Variants in SYNE2 observed in about 807,000 individuals in gnomAD.
The protein encoded by SYNE2 is spectrin repeat containing nuclear envelope protein 2.
In SYNE2, 431 loss-of-function variants were observed where a neutral mutation model predicts 856.3. The ratio of observed to expected loss-of-function variants is 0.50; its 90% CI spans 0.47 to 0.55. The LOEUF is 0.55. SYNE2 is among the 20% of genes least tolerant of loss of function. The pLI, the probability that SYNE2 is intolerant of heterozygous loss-of-function variation, is 0.00. For missense variants in SYNE2, 8,129 were observed against 8,023.2 expected, an observed-to-expected ratio of 1.01 and a Z score of -0.50; for synonymous variants, 2,923 against 2,872.3, an observed-to-expected ratio of 1.02 and a Z score of -0.56.
At chr14:64,144,269 G>A (rs2098163801) in intron 83 of SYNE2, among the ~76,000 whole-genome samples, 1 of 152,156 alleles carries the variant, frequency 6.6e-6, no homozygotes, top group Non-Finnish European at 1.5e-5. Flanking sequence ...GAAAGCAGAT[G>A]TTCAAAAGGG....
rs1161445645 is a variant in SYNE2, at chr14:64,225,955, T to TAGCTGATGGAA, written c.*431_*441dup. 1 of 337,148 alleles carries TAGCTGATGGAA rather than the reference T, an allele frequency of 3.0e-6. No individual in the cohort carries two copies. Among genetic ancestry groups the TAGCTGATGGAA allele is most frequent in the African/African-American group, 2.1e-5 (1 of 48,578 alleles). 20.9% of individuals were successfully genotyped at this position (337,148 alleles called of 1,614,324 possible). ...TGGTTCAGAAACTCATAGGCACCCT[T>TAGCTGATGGAA]AGCTGATGGAAACAATCAATCATAT... On this transcript the variant is annotated 3_prime_UTR_variant, in exon 116 of 116. Transcript: ENST00000555002.
intron 1 of SYNE2, among the ~76,000 whole-genome samples, chr14:63,804,548 C>T (rs1298113079): frequency 6.6e-6 from 1 of 152,048 alleles, no homozygotes; most frequent in African/African-American, 2.4e-5. Context: ...GGCTGGAGTG[C>T]AATGGCGCGA....
intron 49 of SYNE2, among the ~76,000 whole-genome samples, chr14:64,059,443 G>A (rs2097299004): frequency 6.6e-6 from 1 of 152,200 alleles, no homozygotes; most frequent in Non-Finnish European, 1.5e-5. Context: ...CCACCTTGGT[G>A]GTCTTGTATA....
At chr14:63,870,129 C>G (rs1896498888) in intron 1 of SYNE2, among the ~76,000 whole-genome samples, 1 of 152,028 alleles carries the variant, frequency 6.6e-6, no homozygotes, top group Non-Finnish European at 1.5e-5. Context: ...GTGTGAAAAA[C>G]CCTCCAAAAT....
At chr14:64,037,842 G>A (rs1205268408) in intron 45 of SYNE2, among the ~76,000 whole-genome samples, 13 of 150,050 alleles carry the variant, frequency 8.7e-5, no homozygotes, top group African/African-American at 1.2e-4. Context: ...TGGGCGGGGG[G>A]CTGACACCCC....
At chr14:64,085,022 C>T in intron 57 of SYNE2, 1 of 702,272 alleles carries the variant, frequency 1.4e-6, no homozygotes, top group South Asian at 1.5e-5. Flanking sequence ...CTTCCCTCAG[C>T]ATAAACAATC....
chr14:64,157,461 A>G (rs184202755), intron 85 of SYNE2, among the ~76,000 whole-genome samples: 3 of 152,342 alleles, frequency 2.0e-5, no homozygotes, highest in East Asian at 1.9e-4. Context: ...GTATGGATAT[A>G]CCATATTTAG....
Position 64,126,360 on chromosome 14 carries a change from G to A in SYNE2, c.13588G>A (p.Asp4530Asn). ...NMTEEAYINL[D>N]KKLFELFLTL... The stretch of plus-strand genomic sequence containing the variant: ...GACAGAAGAAGCATATATCAATTTG[G>A]ATAAAAAATTGTTTGAACTATTCCT... Residue 4530 changes from aspartate (D) to asparagine (N), a missense_variant, in exon 72 of 116, where the codon GAT becomes AAT. This residue lies in a region of SYNE2 where 5,410 missense variants were observed against 5,284.8 expected (regional missense o/e 1.02). Coordinates refer to ENST00000555002, the MANE Select transcript of SYNE2 (RefSeq NM_182914.3). The A allele has an allele frequency of 6.2e-7, 1 of 1,614,002 alleles. No homozygotes were observed. The highest frequency in any genetic ancestry group is 2.2e-5 in the East Asian group (1 of 44,876).
intron 1 of SYNE2, among the ~76,000 whole-genome samples, chr14:63,872,430 C>G (rs994077828): frequency 4.7e-5 from 4 of 84,250 alleles, no homozygotes; most frequent in Middle Eastern, 6.0e-3. Context: ...GAGACACCAT[C>G]TCAAAAAAAA....
intron 11 of SYNE2, among the ~76,000 whole-genome samples, chr14:63,969,169 CTTT>C (rs34436117): frequency 5.4e-5 from 7 of 128,924 alleles, no homozygotes; most frequent in Non-Finnish European, 1.6e-5. Context: ...GAATCTCATT[CTTT>C]TTTTTTTTTT....
At position 64,049,701 on chromosome 14, in the gene SYNE2, G is replaced by T; in HGVS notation, c.7468G>T (p.Val2490Phe). The stretch of plus-strand genomic sequence containing the variant: ...TAACAAAACAGAAACTGGGGCCTTG[G>T]TTCTCCACAATATAGGATATTCGGC... ...CLNKTETGAL[V>F]LHNIGYSAQH... The change falls in exon 47 of 116, where the codon GTT becomes TTT. Residue 2490 changes from valine (V) to phenylalanine (F), a missense_variant. Physicochemically the swap from Val to Phe is conservative, Grantham distance 50 (BLOSUM62 -1). Coordinates refer to ENST00000555002, the MANE Select transcript of SYNE2 (RefSeq NM_182914.3). 1 of 1,614,092 alleles carries T rather than the reference G, an allele frequency of 6.2e-7. No homozygotes were observed. Among genetic ancestry groups the T allele is most frequent in the Non-Finnish European group, 8.5e-7 (1 of 1,180,016 alleles).
chr14:63,836,961 T>C (rs916756176), intron 1 of SYNE2, among the ~76,000 whole-genome samples: 1 of 152,218 alleles, frequency 6.6e-6, no homozygotes, highest in Non-Finnish European at 1.5e-5. Flanking sequence ...TGATATTCCA[T>C]TGTAAGAAAA....
intron 66 of SYNE2, among the ~76,000 whole-genome samples, chr14:64,118,114 G>A (rs533881703): frequency 9.1e-4 from 138 of 152,130 alleles, no homozygotes; most frequent in Admixed American, 1.7e-3. Context: ...AATAGAGTTC[G>A]TCCTTAAGGA....
At chr14:63,970,748 G>A (rs2096464371) in intron 11 of SYNE2, among the ~76,000 whole-genome samples, 1 of 145,922 alleles carries the variant, frequency 6.9e-6, no homozygotes, top group Non-Finnish European at 1.5e-5. Context: ...CTGCCTCCGG[G>A]TTCGAGCGAT....
intron 1 of SYNE2, among the ~76,000 whole-genome samples, chr14:63,763,093 C>T (rs1246415507): frequency 6.6e-6 from 1 of 152,060 alleles, no homozygotes; most frequent in Non-Finnish European, 1.5e-5. Context: ...TCAGCCTCTC[C>T]AGTAGCTGGG....
rs145549349 is a variant in SYNE2, at chr14:64,190,229, C to T, written c.18030C>T (p.Ile6010=). 8.7e-6 allele frequency: 14 copies of T among 1,613,860 alleles called. No individual in the cohort carries two copies. The highest frequency in any genetic ancestry group is 4.5e-5 in the East Asian group (2 of 44,870). ...NDRWQHLFDV[I]GSRVKKLKET... is the part of the protein sequence containing the mutation. The stretch of plus-strand genomic sequence containing the variant: ...GTTGGCAACATCTTTTTGATGTCAT[C>T]GGATCAAGGTAAGAAATGGGCTAAA... The change falls in exon 99 of 116, where the codon ATC becomes ATT. Residue 6010 remains isoleucine (I), a synonymous_variant. Transcript: ENST00000555002.
chr14:64,030,409 C>T (rs1316120701), intron 44 of SYNE2, among the ~76,000 whole-genome samples: 2 of 152,178 alleles, frequency 1.3e-5, no homozygotes, highest in African/African-American at 4.8e-5. Context: ...TCTTGTGTAG[C>T]CCATTAGGAT....
chr14:64,107,937 T>A (rs896796282), intron 65 of SYNE2, among the ~76,000 whole-genome samples: 34 of 152,232 alleles, frequency 2.2e-4, no homozygotes, highest in African/African-American at 8.2e-4. Flanking sequence ...TAATATTGAT[T>A]AATAGCCTGT....
At chr14:63,948,778 G>GTATATATA (rs71123821) in intron 6 of SYNE2, among the ~76,000 whole-genome samples, 26 of 76,334 alleles carry the variant, frequency 3.4e-4, no homozygotes, top group South Asian at 7.6e-4. Context: ...ATGTATGTGT[G>GTATATATA]TGTGTATATA....
Sources: allele counts gnomAD v4.1 joint callset (sites outside exome capture counted in the v4.1 genomes callset), GRCh38; gene constraint gnomAD v4.1.1; regional missense constraint gnomAD v4.1.1; transcripts MANE v1.5; gene names NCBI Gene and HGNC (gene_info 2026-07-23, HGNC 2026-07-21).